The following LSAMP variants were observed in gnomAD, a reference collection of about 807,000 sequenced individuals.
The protein encoded by LSAMP is limbic system associated membrane protein.
LSAMP carries 7 observed loss-of-function variants against 38.6 expected under a neutral mutation model. The ratio of observed to expected loss-of-function variants is 0.18; its 90% CI spans 0.10 to 0.34. The LOEUF is 0.34. LSAMP is among the 10% of genes least tolerant of loss of function. The probability of loss-of-function intolerance (pLI) is 1.00; values close to 1 mark genes in which losing one functional copy is unlikely to be tolerated. For synonymous variants in LSAMP, 154 were observed against 166.8 expected, an observed-to-expected ratio of 0.92 and a Z score of 0.59; for missense variants, 313 against 420.0, an observed-to-expected ratio of 0.75 and a Z score of 2.23.
chr3:116,247,746 G>T (rs941047011), intron 1 of LSAMP, among the ~76,000 whole-genome samples: 1 of 152,140 alleles, frequency 6.6e-6, no homozygotes, highest in South Asian at 2.1e-4. Context: ...AGTAACTAAG[G>T]TTTATCACTA....
At chr3:116,005,154 A>G (rs1033404712) in intron 3 of LSAMP, among the ~76,000 whole-genome samples, 2 of 152,174 alleles carry the variant, frequency 1.3e-5, no homozygotes, top group African/African-American at 4.8e-5. Flanking sequence ...ATCTTATGGA[A>G]TTCTCTTATA....
chr3:116,407,152 T>G (rs2048907790), intron 1 of LSAMP, among the ~76,000 whole-genome samples: 1 of 152,054 alleles, frequency 6.6e-6, no homozygotes, highest in Admixed American at 6.6e-5. Flanking sequence ...TACATTTTCA[T>G]CAGTTCATAA....
At chr3:116,397,925 A>G (rs982108641) in intron 1 of LSAMP, among the ~76,000 whole-genome samples, 1 of 151,924 alleles carries the variant, frequency 6.6e-6, no homozygotes, top group Non-Finnish European at 1.5e-5. Flanking sequence ...ATTTGTTTTG[A>G]TGCCTGCCTT....
At chr3:116,093,276 G>C (rs913460483) in intron 1 of LSAMP, among the ~76,000 whole-genome samples, 2 of 152,156 alleles carry the variant, frequency 1.3e-5, no homozygotes, top group African/African-American at 4.8e-5. Flanking sequence ...GAGGCCAGGG[G>C]TGTTGCTAAA....
At chr3:116,195,601 G>T (rs975049674) in intron 1 of LSAMP, among the ~76,000 whole-genome samples, 4 of 150,980 alleles carry the variant, frequency 2.6e-5, no homozygotes, top group Admixed American at 6.6e-5. Context: ...TAAATTGACA[G>T]AAGGAAAGTT....
chr3:116,445,327 G>A lies in LSAMP; in HGVS notation c.-296C>T. On this transcript the variant is annotated 5_prime_UTR_variant, in exon 1 of 7. Transcript: ENST00000490035. ...TGGAAGAGCTGAAGAGGAAGCCAAA[G>A]GAAAGGGTTCTTGTTTGGTCTCTCT... The A allele has an allele frequency of 1.8e-6, 1 of 563,722 alleles. No homozygotes were observed. The highest frequency in any genetic ancestry group is 3.1e-6 in the Non-Finnish European group (1 of 320,822). 34.9% of individuals were successfully genotyped at this position (563,722 alleles called of 1,614,324 possible). A position where few individuals can be genotyped will look rare whatever the true frequency, so the allele number is the denominator to read the frequency against.
chr3:115,896,536 T>C (rs564415867), intron 3 of LSAMP, among the ~76,000 whole-genome samples: 2 of 151,998 alleles, frequency 1.3e-5, no homozygotes, highest in African/African-American at 2.4e-5. Context: ...GGATCCAAGA[T>C]ACTGGGGTCA....
chr3:116,062,742 A>T (rs1014799463), intron 2 of LSAMP, among the ~76,000 whole-genome samples: 2 of 152,186 alleles, frequency 1.3e-5, no homozygotes, highest in African/African-American at 4.8e-5. Context: ...TATTTCTGAA[A>T]TTGACTTCAA....
chr3:116,441,483 G>GA (rs2049434159), intron 1 of LSAMP, among the ~76,000 whole-genome samples: 1 of 152,158 alleles, frequency 6.6e-6, no homozygotes, highest in African/African-American at 2.4e-5. Context: ...CACTCATGTT[G>GA]AAAATATGGT....
chr3:116,092,869 C>A (rs541536923), intron 1 of LSAMP, among the ~76,000 whole-genome samples: 6 of 152,104 alleles, frequency 3.9e-5, no homozygotes, highest in East Asian at 1.9e-4. Flanking sequence ...AAATATTAAG[C>A]CTGTTCAATT....
At chr3:116,370,960 G>A (rs1467524375) in intron 1 of LSAMP, among the ~76,000 whole-genome samples, 2 of 152,052 alleles carry the variant, frequency 1.3e-5, no homozygotes, top group East Asian at 3.9e-4. Flanking sequence ...TTGTATACCA[G>A]CAAATTGGAT....
intron 1 of LSAMP, among the ~76,000 whole-genome samples, chr3:116,249,634 T>A (rs1200026590): frequency 1.3e-5 from 2 of 152,014 alleles, no homozygotes; most frequent in Non-Finnish European, 2.9e-5. Flanking sequence ...TCCGCCCGCC[T>A]CAGCCTCCCA....
chr3:116,082,599 C>T (rs115180428), intron 2 of LSAMP, among the ~76,000 whole-genome samples: 175 of 152,156 alleles, frequency 1.2e-3, no homozygotes, highest in African/African-American at 3.9e-3. Flanking sequence ...ATGTTCGTTG[C>T]GGCACTGTTC....
chr3:116,323,437 A>C (rs1481384179), intron 1 of LSAMP, among the ~76,000 whole-genome samples: 1 of 152,076 alleles, frequency 6.6e-6, no homozygotes, highest in Non-Finnish European at 1.5e-5. Context: ...TTTGTGGTAA[A>C]ACATCCATTC....
intron 1 of LSAMP, among the ~76,000 whole-genome samples, chr3:116,126,155 C>A (rs1229802721): frequency 6.6e-6 from 1 of 152,182 alleles, no homozygotes; most frequent in Non-Finnish European, 1.5e-5. Flanking sequence ...AAAATCATGA[C>A]CAAACAGGAA....
chr3:116,124,579 C>T (rs1444756915), intron 1 of LSAMP, among the ~76,000 whole-genome samples: 1 of 152,122 alleles, frequency 6.6e-6, no homozygotes, highest in African/African-American at 2.4e-5. Context: ...TATCACCAAC[C>T]ATGTTTTTAA....
chr3:116,301,405 TAAAAC>T (rs990812599), intron 1 of LSAMP, among the ~76,000 whole-genome samples: 4 of 151,950 alleles, frequency 2.6e-5, no homozygotes, highest in Admixed American at 6.6e-5. Context: ...CAAAAATAAA[TAAAAC>T]AAAATCAATA....
intron 1 of LSAMP, among the ~76,000 whole-genome samples, chr3:116,266,874 AC>A (rs1434378529): frequency 3.3e-5 from 5 of 152,210 alleles, no homozygotes; most frequent in Non-Finnish European, 7.3e-5. Context: ...CAACACTAAT[AC>A]TAACAATAAT....
At chr3:115,824,455 C>T (rs550986872) in intron 6 of LSAMP, among the ~76,000 whole-genome samples, 86 of 152,300 alleles carry the variant, frequency 5.6e-4, no homozygotes, top group Admixed American at 9.1e-4. Flanking sequence ...GTAATCCCAG[C>T]ACTTTGGGAG....
Sources: allele counts gnomAD v4.1 joint callset (sites outside exome capture counted in the v4.1 genomes callset), GRCh38; gene constraint gnomAD v4.1.1; transcripts MANE v1.5; gene names NCBI Gene and HGNC (gene_info 2026-07-23, HGNC 2026-07-21).